The following CPSF1 variants were observed in gnomAD, a reference collection of about 807,000 sequenced individuals.
The protein encoded by CPSF1 is cleavage and polyadenylation specificity factor subunit 1.
A neutral mutation model predicts 175.8 loss-of-function variants in CPSF1; 106 were observed. That is an observed-to-expected ratio of 0.60 (90% confidence interval 0.52 to 0.71). CPSF1 has a LOEUF of 0.71. CPSF1 is among the 30% of genes least tolerant of loss of function. The pLI is 0.00. For synonymous variants in CPSF1, 1,024 were observed against 858.3 expected (o/e 1.19, Z -3.37); for missense variants, 1,734 against 2,022.9 (o/e 0.86, Z 2.74).
chr8:144,393,272 G>A lies in CPSF1; in HGVS notation c.*46C>T, dbSNP rs1820425932. ...TTTCCTTGTGTTTTGTACAAAAAGG[G>A]GGTGGGAGGTAGTTCCGTGTGCTGG... On this transcript the variant is annotated 3_prime_UTR_variant, in exon 38 of 38. Coordinates refer to ENST00000616140, the MANE Select transcript of CPSF1 (RefSeq NM_013291.3). The A allele has an allele frequency of 1.4e-6, 2 of 1,459,022 alleles. No homozygotes were observed. The highest frequency in any genetic ancestry group is 1.8e-6 in the Non-Finnish European group (2 of 1,096,656). The allele number at this position is 1,459,022 out of a possible 1,614,324, so 90.4% of individuals were successfully genotyped here.
In CPSF1 at chr8:144,394,111, A is replaced by C. The variant is rs1554862573; in HGVS notation, c.3859+2T>G. On this transcript the variant is annotated splice_donor_variant, in intron 34 of 37. Transcript: ENST00000616140. LOFTEE classifies it high-confidence loss of function. ...GGCAGAGGGGGTGGAGGAAGCACTCACCTTCGGGCAGGTACATGTACACCA... is the reference window on the plus strand; with the variant it reads ...GGCAGAGGGGGTGGAGGAAGCACTCCCCTTCGGGCAGGTACATGTACACCA... The C allele has an allele frequency of 6.2e-7, 1 of 1,612,162 alleles. No individual in the cohort carries two copies. Among genetic ancestry groups the C allele is most frequent in the Non-Finnish European group, 8.5e-7 (1 of 1,179,474 alleles).
chr8:144,399,854 A>C lies in CPSF1; in HGVS notation c.1046T>G (p.Leu349Arg), dbSNP rs1821050946. ...LKGGEIYVLT[L>R]ITDGMRSVRA... is the part of the protein sequence containing the mutation. ...GACACTGCGCATGCCGTCGGTGATG[A>C]GGGTCAGCACGTAGCTGGGGGCAGG... The change falls in exon 11 of 38, where the codon CTC (leucine) becomes CGC (arginine). Residue 349 changes from leucine (L) to arginine (R), a missense_variant. Around this residue, in one of 10 missense-constraint regions of CPSF1, gnomAD observed 162 missense variants for 169.5 expected, o/e 0.96. Coordinates refer to ENST00000616140, the MANE Select transcript of CPSF1 (RefSeq NM_013291.3). The surrounding 1 kb of genome is among the most constrained non-coding windows in gnomAD (Gnocchi z 6.4). The C allele has an allele frequency of 6.5e-7, 1 of 1,550,344 alleles. No individual in the cohort carries two copies. Among genetic ancestry groups the C allele is most frequent in the African/African-American group, 1.4e-5 (1 of 71,412 alleles).
In CPSF1 at chr8:144,395,316, G is replaced by A. The variant is rs1260629602; in HGVS notation, c.3136C>T (p.Arg1046Cys). Reference protein sequence around the residue: ...VATSTNTPCARIPRMTGEEKE... With the variant: ...VATSTNTPCACIPRMTGEEKE... Reference sequence around the variant, plus strand: ...TCCTCGCCAGTCATGCGTGGGATGCGGGCACACGGCGTGTTGGTGCTGGTG... The same window carrying A: ...TCCTCGCCAGTCATGCGTGGGATGCAGGCACACGGCGTGTTGGTGCTGGTG... Residue 1046 changes from arginine (R) to cysteine (C), a missense_variant, in exon 28 of 38, where the codon CGC (arginine) becomes TGC (cysteine). By Grantham distance (180) the Arg-to-Cys change is radical. Transcript: ENST00000616140. The A allele has an allele frequency of 2.9e-5, 47 of 1,613,348 alleles. No homozygotes were observed. The highest frequency in any genetic ancestry group is 4.4e-5 in the South Asian group (4 of 91,070).
chr8:144,404,914 G>GA (rs1162394540), intron 2 of CPSF1, among the ~76,000 whole-genome samples: 1 of 150,974 alleles, frequency 6.6e-6, no homozygotes, highest in African/African-American at 2.5e-5. Flanking sequence ...AACATTAGTC[G>GA]GGCGCCTGTA....
rs1404196492 is a variant in CPSF1 at position 144,395,249 on chromosome 8, G to C, written c.3187+16C>G. 6.2e-7 allele frequency: 1 copy of C among 1,613,084 alleles called. No homozygotes were observed. The highest frequency in any genetic ancestry group is 1.1e-5 in the South Asian group (1 of 91,000). On this transcript the variant is annotated intron_variant, in intron 28 of 37. Transcript: ENST00000616140. ...AGATGCGGCTGAGGATGGGAGTATG[G>C]TGTGGGCGTCACCACCTCTCTCGAT...
At chr8:144,403,717 T>TG (rs1224135072) in intron 2 of CPSF1, among the ~76,000 whole-genome samples, 8 of 151,524 alleles carry the variant, frequency 5.3e-5, no homozygotes, top group Non-Finnish European at 1.0e-4. Flanking sequence ...CATGCCCGGC[T>TG]ATTTTTGTAT....
In CPSF1 at chr8:144,394,971, G is replaced by C. The variant is rs1361970135; in HGVS notation, c.3325C>G (p.Arg1109Gly). Residue 1109 changes from arginine (R) to glycine (G), a missense_variant, in exon 30 of 38, where the codon CGC becomes GGC. By Grantham distance (125) the Arg-to-Gly change is moderately radical. Transcript: ENST00000616140. ...AGGCCCGACACGGTCTCCTCACTGC[G>C]CAGAGACACTGTCTTCATGCAGGTC... ...HVTCMKTVSL[R>G]SEETVSGLKG... The C allele has an allele frequency of 6.2e-7, 1 of 1,612,892 alleles. No individual in the cohort carries two copies. The highest frequency in any genetic ancestry group is 8.5e-7 in the Non-Finnish European group (1 of 1,179,872).
At chr8:144,402,874 A>G (rs1417191521) in intron 2 of CPSF1, among the ~76,000 whole-genome samples, 2 of 152,188 alleles carry the variant, frequency 1.3e-5, no homozygotes, top group African/African-American at 4.8e-5. Flanking sequence ...AACCTCCTCA[A>G]AACGCCTGCA....
intron 7 of CPSF1, 25 bp downstream of exon 7, chr8:144,400,646 A>AGT (rs1554866423): frequency 6.3e-7 from 1 of 1,599,368 alleles, no homozygotes; most frequent in Admixed American, 1.8e-5. Context: ...CCCACAGTGC[A>AGT]GAGGGGCCTC....
In CPSF1 at chr8:144,397,786, C is replaced by T. The variant is rs1554864564; in HGVS notation, c.2167G>A (p.Gly723Ser). The change falls in exon 21 of 38, where the codon GGC becomes AGC. Residue 723 changes from glycine to serine, a missense_variant. Around this residue, in one of 10 missense-constraint regions of CPSF1, gnomAD observed 585 missense variants for 584.7 expected, o/e 1.00. Transcript: ENST00000616140. ...RLGGARDELGGRSGPEAEGLG... is the reference protein window; with the variant it reads ...RLGGARDELGSRSGPEAEGLG... ...CCCTCGGCCTCCGGGCCACTGCGGC[C>T]CCCGAGCTCGTCACGGGCCCCACCC... is the stretch of plus-strand genomic sequence containing the variant. 1.9e-6 allele frequency: 3 copies of T among 1,610,276 alleles called. No individual in the cohort carries two copies. The highest frequency in any genetic ancestry group is 2.5e-6 in the Non-Finnish European group (3 of 1,178,792).
intron 26 of CPSF1, 169 bp downstream of exon 26, chr8:144,396,179 G>C (rs1016420747): frequency 5.5e-6 from 4 of 721,684 alleles, no homozygotes; most frequent in Non-Finnish European, 9.0e-6. Flanking sequence ...CAGACCTTTG[G>C]AGCAACCAAG....
At chr8:144,401,771 C>CT in intron 2 of CPSF1, 98 bp from the exon 3 acceptor site, 1 of 1,310,806 alleles carries the variant, frequency 7.6e-7, no homozygotes, top group South Asian at 1.4e-5. Flanking sequence ...CCCCTGCCTC[C>CT]TGGGAGCTCT....
Position 144,399,125 on chromosome 8 carries a change from C to T in CPSF1, c.1467+3G>A. 6.4e-7 allele frequency: 1 copy of T among 1,564,554 alleles called. No homozygotes were observed. Among genetic ancestry groups the T allele is most frequent in the South Asian group, 1.2e-5 (1 of 85,390 alleles). ...CCCCAGCCCCGACCCCAACCCTGGG[C>T]ACCTCTTCAGAGAGGAAGGCAGGCT... On this transcript the variant is annotated splice_donor_region_variant and intron_variant, in intron 15 of 37. Transcript: ENST00000616140. This position sits in a 1 kb window ranked among gnomAD's most constrained non-coding sequence, Gnocchi z 6.4.
chr8:144,394,535 C>T lies in CPSF1; in HGVS notation c.3588G>A (p.Arg1196=), dbSNP rs1554862823. 1.2e-6 allele frequency: 2 copies of T among 1,609,472 alleles called. No homozygotes were observed. Among genetic ancestry groups the T allele is most frequent in the Non-Finnish European group, 1.7e-6 (2 of 1,178,520 alleles). The part of the protein sequence containing the change: ...IGQKIFLWSL[R]ASELTGMAFI... ...AGGCCATGCCCGTCAGCTCGCTGGC[C>T]CGCAGGCTCCACAGGAAAATCTGGG... The change falls in exon 32 of 38, where the codon CGG becomes CGA. Residue 1196 remains arginine, a synonymous_variant. Coordinates refer to ENST00000616140, the MANE Select transcript of CPSF1 (RefSeq NM_013291.3).
chr8:144,407,029 C>G (rs1821534816), intron 2 of CPSF1, among the ~76,000 whole-genome samples: 1 of 152,042 alleles, frequency 6.6e-6, no homozygotes, highest in Non-Finnish European at 1.5e-5. Context: ...ATTCTCCTGC[C>G]TCAGCCTCCT....
chr8:144,399,492 G>A lies in CPSF1; in HGVS notation c.1254C>T (p.Pro418=), dbSNP rs1455383747. 1 of 1,612,970 alleles carries A rather than the reference G, an allele frequency of 6.2e-7. No homozygotes were observed. The highest frequency in any genetic ancestry group is 8.5e-7 in the Non-Finnish European group (1 of 1,179,902). ...VREAADKEEP[P]SKKKRVDATA... ...TCGCATCCACTCGCTTCTTCTTTGA[G>A]GGAGGCTCTTCCTGTGAGGCAGGAG... The change falls in exon 13 of 38, where the codon CCC becomes CCT. Residue 418 remains proline (P), a synonymous_variant. Coordinates refer to ENST00000616140, the MANE Select transcript of CPSF1 (RefSeq NM_013291.3). The surrounding 1 kb of genome is among the most constrained non-coding windows in gnomAD (Gnocchi z 6.4).
chr8:144,408,632 C>G (rs1262024514), intron 2 of CPSF1, among the ~76,000 whole-genome samples: 4 of 152,226 alleles, frequency 2.6e-5, no homozygotes, highest in African/African-American at 9.6e-5. Context: ...CGCAGCAGCA[C>G]TTGCTGCAGG....
intron 2 of CPSF1, among the ~76,000 whole-genome samples, chr8:144,402,790 G>A (rs1257393903): frequency 6.6e-6 from 1 of 152,070 alleles, no homozygotes; most frequent in African/African-American, 2.4e-5. Flanking sequence ...ACCCACTCAT[G>A]TGGGGCTGAC....
chr8:144,397,300 G>C lies in CPSF1; in HGVS notation c.2499C>G (p.Arg833=), dbSNP rs1554864275. 3 of 1,551,196 alleles carry C rather than the reference G, an allele frequency of 1.9e-6. No individual in the cohort carries two copies. In the East Asian group the frequency reaches 7.3e-5, roughly 38 times the overall value. The change falls in exon 23 of 38, where the codon CGC becomes CGG. Residue 833 remains arginine, a synonymous_variant. Transcript: ENST00000616140. Reference sequence around the variant, plus strand: ...CCCCCTGGCGCGTGGCCTCCTCCCTGCGGGCCTCGCCCTGTGTAGTGGGCT... The same window carrying C: ...CCCCCTGGCGCGTGGCCTCCTCCCTCCGGGCCTCGCCCTGTGTAGTGGGCT... The part of the protein sequence containing the change: ...FGQPTTQGEA[R]REEATRQGEL...
Sources: allele counts gnomAD v4.1 joint callset (sites outside exome capture counted in the v4.1 genomes callset), GRCh38; gene constraint gnomAD v4.1.1; regional missense constraint gnomAD v4.1.1; non-coding constraint Gnocchi (gnomAD v3.1); transcripts MANE v1.5; gene names NCBI Gene and HGNC (gene_info 2026-07-23, HGNC 2026-07-21).